The following CHRDL2 variants were observed in gnomAD, a reference collection of about 807,000 sequenced individuals.
CHRDL2 encodes the protein chordin-like protein 2.
In CHRDL2, 41 loss-of-function variants were observed where a neutral mutation model predicts 54.3. The observed-to-expected ratio is 0.76, with a 90% confidence interval of 0.59 to 0.98. CHRDL2 has a LOEUF of 0.98. Among genes scored for constraint, CHRDL2 ranks in the 50% least tolerant of loss-of-function variants. CHRDL2 has a pLI of 0.00. For missense variants in CHRDL2, 518 were observed against 562.4 expected (o/e 0.92, Z 0.80); for synonymous variants, 220 against 224.3 (o/e 0.98, Z 0.17).
chr11:74,718,709 GAGGAACCT>G lies in CHRDL2; in HGVS notation c.195+3_195+10del, dbSNP rs770798372. On this transcript the variant is annotated splice_donor_5th_base_variant and intron_variant, in intron 2 of 10. Transcript: ENST00000376332. ...CCTGACACAGGTGGTCAGGTGGCCAGAGGAACCTACCTCTGAGCAGGTACAGCGCAGGC... is the reference window on the plus strand; with the variant it reads ...CCTGACACAGGTGGTCAGGTGGCCAGACCTCTGAGCAGGTACAGCGCAGGC... The G allele has an allele frequency of 1.2e-5, 19 of 1,594,792 alleles. No homozygotes were observed. Among genetic ancestry groups the G allele is most frequent in the Non-Finnish European group, 1.6e-5 (19 of 1,164,178 alleles).
At chr11:74,727,826 C>A (rs182501444) in intron 1 of CHRDL2, among the ~76,000 whole-genome samples, 1 of 151,754 alleles carries the variant, frequency 6.6e-6, no homozygotes, top group East Asian at 1.9e-4. Context: ...AAGAGAGGAG[C>A]TGAGAGGAGT....
In CHRDL2 at chr11:74,724,352, A is replaced by C. The variant is rs532298347; in HGVS notation, c.83-5520T>G. 4.6e-5 allele frequency among the ~76,000 whole-genome samples: 7 copies of C among 152,362 alleles called. 1 individual carries two copies. The South Asian group carries it at 1.5e-3, about 32-fold the overall frequency. On this transcript the variant is annotated intron_variant, in intron 1 of 10. Coordinates refer to ENST00000376332, the MANE Select transcript of CHRDL2 (RefSeq NM_001278473.3). ...TGTCCACTTGGATGGGCCACAGCCA[A>C]ATCTCTTTACCTGTCTGAACAGACT...
At chr11:74,701,496 C>A in intron 9 of CHRDL2, 1 of 652,936 alleles carries the variant, frequency 1.5e-6, no homozygotes, top group South Asian at 1.7e-5. Flanking sequence ...CCACTTTCTT[C>A]GTCCATTCCT....
chr11:74,717,467 A>C (rs1205894901), intron 2 of CHRDL2, among the ~76,000 whole-genome samples: 1 of 152,194 alleles, frequency 6.6e-6, no homozygotes, highest in Non-Finnish European at 1.5e-5. Context: ...GTCCTTCTTG[A>C]AAAGGCTGAT....
intron 1 of CHRDL2, 36 bp downstream of exon 1, chr11:74,730,771 C>G (rs753310789): frequency 6.4e-7 from 1 of 1,562,070 alleles, no homozygotes; most frequent in Admixed American, 1.8e-5. Context: ...GGGGCCGCAT[C>G]CCTCCTCTGC....
intron 6 of CHRDL2, 155 bp from the exon 7 acceptor site, chr11:74,704,809 G>A (rs540058478): frequency 2.8e-6 from 2 of 719,498 alleles, no homozygotes; most frequent in African/African-American, 3.6e-5. Flanking sequence ...AGAAAGATCT[G>A]GATGAGGTCT....
chr11:74,703,283 T>C (rs1323090994), intron 8 of CHRDL2, 22 bp downstream of exon 8: 2 of 1,572,214 alleles, frequency 1.3e-6, no homozygotes, highest in East Asian at 4.5e-5. Context: ...GCGCCCTCCT[T>C]GCTCCCAGTG....
Position 74,710,914 on chromosome 11 carries a change from T to A in CHRDL2, c.367A>T (p.Ile123Phe). ...GGGAACAGCTCATGGGCACTGAAGA[T>A]CTCTCCGTGTTGGTACATGGTCCCG... ...HNGTMYQHGE[I>F]FSAHELFPSR... Residue 123 changes from isoleucine (I) to phenylalanine (F), a missense_variant, in exon 4 of 11, where the codon ATC (isoleucine) becomes TTC (phenylalanine). Physicochemically the swap from Ile to Phe is conservative, Grantham distance 21. Coordinates refer to ENST00000376332, the MANE Select transcript of CHRDL2 (RefSeq NM_001278473.3). The A allele has an allele frequency of 6.2e-7, 1 of 1,614,082 alleles. No homozygotes were observed. Among genetic ancestry groups the A allele is most frequent in the Non-Finnish European group, 8.5e-7 (1 of 1,180,004 alleles).
intron 6 of CHRDL2, among the ~76,000 whole-genome samples, chr11:74,706,219 A>C (rs984361468): frequency 1.3e-5 from 2 of 152,146 alleles, no homozygotes; most frequent in Non-Finnish European, 2.9e-5. Context: ...GTGTTTCTCA[A>C]GAGGAAAGTG....
chr11:74,720,622 A>C (rs2034480390), intron 1 of CHRDL2, among the ~76,000 whole-genome samples: 2 of 152,218 alleles, frequency 1.3e-5, no homozygotes, highest in South Asian at 4.1e-4. Context: ...TTCCAGAGTC[A>C]AGCGTCTTAG....
intron 3 of CHRDL2, among the ~76,000 whole-genome samples, 159 bp downstream of exon 3, chr11:74,713,227 G>A (rs2034249414): frequency 6.6e-6 from 1 of 152,196 alleles, no homozygotes; most frequent in Non-Finnish European, 1.5e-5. Flanking sequence ...AGCACTGCCT[G>A]GGGATCTGGG....
At chr11:74,730,577 C>T (rs565798509) in intron 1 of CHRDL2, among the ~76,000 whole-genome samples, 6 of 152,350 alleles carry the variant, frequency 3.9e-5, no homozygotes, top group Non-Finnish European at 8.8e-5. Context: ...CCCCCGCTGC[C>T]CTTGGTGCCC....
At chr11:74,726,581 C>G (rs560031151) in intron 1 of CHRDL2, among the ~76,000 whole-genome samples, 8 of 152,296 alleles carry the variant, frequency 5.3e-5, no homozygotes, top group African/African-American at 1.9e-4. Flanking sequence ...CAGTCCTTTT[C>G]TTTGAGAATA....
rs1183616938 is a variant in CHRDL2, at chr11:74,710,710, C to CA, written c.432+138dup. 10 of 1,166,228 alleles carry CA rather than the reference C, an allele frequency of 8.6e-6. No homozygotes were observed. In the African/African-American group the frequency reaches 1.6e-4, roughly 18 times the overall value. The allele number at this position is 1,166,228 out of a possible 1,614,324, so 72.2% of individuals were successfully genotyped here. Reference sequence around the variant, plus strand: ...GCTAGGGACAGGACATTCCAAACCCCAGATATTCCCTTTCCCCTGAGCCCA... The same window carrying CA: ...GCTAGGGACAGGACATTCCAAACCCCAAGATATTCCCTTTCCCCTGAGCCCA... On this transcript the variant is annotated intron_variant, in intron 4 of 10. Transcript: ENST00000376332.
intron 7 of CHRDL2, 147 bp from the exon 8 acceptor site, chr11:74,703,646 G>T: frequency 3.1e-6 from 2 of 644,940 alleles, no homozygotes; most frequent in South Asian, 2.2e-5. Context: ...ATAGGCCAGG[G>T]TATAAAACCT....
intron 1 of CHRDL2, among the ~76,000 whole-genome samples, chr11:74,729,536 T>C (rs1007709398): frequency 4.6e-5 from 7 of 152,226 alleles, no homozygotes; most frequent in Non-Finnish European, 1.5e-5. Flanking sequence ...GAAAGACTTA[T>C]GTGAGTCTCA....
chr11:74,730,346 G>A (rs977842162), intron 1 of CHRDL2, among the ~76,000 whole-genome samples: 1 of 152,202 alleles, frequency 6.6e-6, no homozygotes, highest in African/African-American at 2.4e-5. Flanking sequence ...TGTAAAGTGC[G>A]AATGATAATA....
Position 74,730,957 on chromosome 11 carries a change from A to G in CHRDL2, c.-69T>C. On this transcript the variant is annotated 5_prime_UTR_variant, in exon 1 of 11. Transcript: ENST00000376332. ...AGGAAGGGAGACGAAAAGGACACGG[A>G]GGCACAGGGGCCACAGATCAACCCA... 3 of 1,322,130 alleles carry G rather than the reference A, an allele frequency of 2.3e-6. No homozygotes were observed. Among genetic ancestry groups the G allele is most frequent in the East Asian group, 2.5e-5 (1 of 40,758 alleles). The allele number at this position is 1,322,130 out of a possible 1,614,324, so 81.9% of individuals were successfully genotyped here.
Position 74,731,019 on chromosome 11 carries a change from A to G in CHRDL2, c.-131T>C, listed in dbSNP as rs2034645567. The G allele has an allele frequency of 1.4e-6, 1 of 697,828 alleles. No individual in the cohort carries two copies. The highest frequency in any genetic ancestry group is 2.6e-5 in the Admixed American group (1 of 38,374). 43.2% of individuals were successfully genotyped at this position (697,828 alleles called of 1,614,324 possible). A position where few individuals can be genotyped will look rare whatever the true frequency, so the allele number is the denominator to read the frequency against. ...AGGTCTGCTGCTAGAGCGGGGTCGGAGAAGGGCCAGGAAGCAGCGGTGGGC... is the reference window on the plus strand; with the variant it reads ...AGGTCTGCTGCTAGAGCGGGGTCGGGGAAGGGCCAGGAAGCAGCGGTGGGC... On this transcript the variant is annotated 5_prime_UTR_variant, in exon 1 of 11. Coordinates refer to ENST00000376332, the MANE Select transcript of CHRDL2 (RefSeq NM_001278473.3). The surrounding 1 kb of genome is among the most constrained non-coding windows in gnomAD (Gnocchi z 4.4).
Sources: allele counts gnomAD v4.1 joint callset (sites outside exome capture counted in the v4.1 genomes callset), GRCh38; gene constraint gnomAD v4.1.1; non-coding constraint Gnocchi (gnomAD v3.1); transcripts MANE v1.5; gene names NCBI Gene and HGNC (gene_info 2026-07-23, HGNC 2026-07-21).